The following IL1RAPL2 variants were observed in gnomAD, a reference collection of about 807,000 sequenced individuals.
IL1RAPL2 encodes interleukin 1 receptor accessory protein like 2.
A neutral mutation model predicts 44.1 loss-of-function variants in IL1RAPL2; 3 were observed. That is an observed-to-expected ratio of 0.07 (90% confidence interval 0.03 to 0.18). The LOEUF is 0.18. Among genes scored for constraint, IL1RAPL2 ranks in the 10% least tolerant of loss-of-function variants. The pLI is 1.00. For synonymous variants in IL1RAPL2, 181 were observed against 178.8 expected, an observed-to-expected ratio of 1.01 and a Z score of -0.10; for missense variants, 391 against 496.4, an observed-to-expected ratio of 0.79 and a Z score of 2.02.
rs779948860 is a variant in IL1RAPL2, at chrX:104,784,666, T to C, written c.82+125671T>C. On this transcript the variant is annotated intron_variant, in intron 2 of 10. Coordinates refer to ENST00000372582, the MANE Select transcript of IL1RAPL2 (RefSeq NM_017416.2). ...TTCTGATCTCCTCCACTGAGATCTGTCCTTTGAATACTATCTCTTTAAGTA... is the reference window on the plus strand; with the variant it reads ...TTCTGATCTCCTCCACTGAGATCTGCCCTTTGAATACTATCTCTTTAAGTA... Among the ~76,000 whole-genome samples, 6 of 110,172 alleles carry C rather than the reference T, an allele frequency of 5.4e-5. No homozygotes were observed. In the South Asian group the frequency reaches 2.4e-3, roughly 44 times the overall value.
intron 6 of IL1RAPL2, among the ~76,000 whole-genome samples, chrX:105,711,129 A>G (rs1256906174): frequency 1.8e-5 from 2 of 110,050 alleles, no homozygotes; most frequent in Non-Finnish European, 3.8e-5. Context: ...CCTTCTTAAC[A>G]TATAGAACAG....
intron 2 of IL1RAPL2, among the ~76,000 whole-genome samples, chrX:104,887,117 TG>T (rs1923271966): frequency 8.9e-6 from 1 of 112,293 alleles, no homozygotes; most frequent in Non-Finnish European, 1.9e-5. Context: ...AAAACAGTTG[TG>T]GGGGTTCCTT....
intron 5 of IL1RAPL2, among the ~76,000 whole-genome samples, chrX:105,351,253 C>G (rs936498029): frequency 9.0e-6 from 1 of 110,748 alleles, no homozygotes; most frequent in African/African-American, 3.3e-5. Context: ...TCCAGAAATA[C>G]GATTTGACCC....
At chrX:105,484,289 A>G in intron 5 of IL1RAPL2, 24 bp from the exon 6 acceptor site, 1 of 1,101,512 alleles carries the variant, frequency 9.1e-7, no homozygotes, top group Non-Finnish European at 1.3e-6. Context: ...TTTTTCCATT[A>G]CTTTCTTTCA....
chrX:105,216,522 C>T (rs2033859703), intron 3 of IL1RAPL2, among the ~76,000 whole-genome samples: 1 of 110,919 alleles, frequency 9.0e-6, no homozygotes, highest in Non-Finnish European at 1.9e-5. Flanking sequence ...GCCATACTGC[C>T]CAAAGTAATT....
intron 2 of IL1RAPL2, among the ~76,000 whole-genome samples, chrX:105,012,674 C>CACACACACAGAGAGAG (rs1258556672): frequency 3.7e-5 from 3 of 81,284 alleles, no homozygotes; most frequent in African/African-American, 1.8e-4. Flanking sequence ...CACACACACA[C>CACACACACAGAGAGAG]AGAGAGAGAG....
chrX:105,362,568 T>C (rs1243902232), intron 5 of IL1RAPL2, among the ~76,000 whole-genome samples: 1 of 110,935 alleles, frequency 9.0e-6, no homozygotes, highest in African/African-American at 3.3e-5. Flanking sequence ...TAAAGGACCC[T>C]ACAGTGTTAT....
At chrX:104,802,890 G>A (rs1047005454) in intron 2 of IL1RAPL2, among the ~76,000 whole-genome samples, 21 of 110,950 alleles carry the variant, frequency 1.9e-4, no homozygotes, top group African/African-American at 5.9e-4. Context: ...ATTCTGCCAC[G>A]TAAAACATGG....
intron 2 of IL1RAPL2, among the ~76,000 whole-genome samples, chrX:104,980,689 A>G (rs1173668903): frequency 8.9e-6 from 1 of 112,205 alleles, no homozygotes; most frequent in Non-Finnish European, 1.9e-5. Context: ...TGTACCAGTA[A>G]CATGCTGTTT....
chrX:105,084,759 A>G (rs1307246612), intron 2 of IL1RAPL2, among the ~76,000 whole-genome samples: 6 of 111,410 alleles, frequency 5.4e-5, no homozygotes, highest in Non-Finnish European at 1.1e-4. Flanking sequence ...TAAAAAGTAC[A>G]TGACATTTGG....
intron 6 of IL1RAPL2, among the ~76,000 whole-genome samples, chrX:105,601,139 T>C (rs762974470): frequency 9.0e-6 from 1 of 111,524 alleles, no homozygotes; most frequent in Admixed American, 9.5e-5. Context: ...CAGGAGTTAG[T>C]TATGTATTAT....
chrX:105,329,703 G>A (rs1445844521), intron 5 of IL1RAPL2, among the ~76,000 whole-genome samples: 2 of 110,818 alleles, frequency 1.8e-5, no homozygotes, highest in African/African-American at 3.3e-5. Flanking sequence ...CTGCATATAC[G>A]GCTTTTAAGC....
chrX:105,640,660 A>G (rs1228218756), intron 6 of IL1RAPL2, among the ~76,000 whole-genome samples: 1,107 of 62,259 alleles, frequency 0.018, 9 homozygotes, highest in Non-Finnish European at 0.024. Context: ...GTGTGTATAT[A>G]TATATATATA....
At chrX:105,024,554 C>A (rs1045425224) in intron 2 of IL1RAPL2, among the ~76,000 whole-genome samples, 2 of 111,317 alleles carry the variant, frequency 1.8e-5, no homozygotes, top group African/African-American at 6.5e-5. Flanking sequence ...CTGATGGTAA[C>A]AAAGGTTGTG....
At chrX:105,667,242 G>A (rs2037778271) in intron 6 of IL1RAPL2, among the ~76,000 whole-genome samples, 1 of 111,897 alleles carries the variant, frequency 8.9e-6, no homozygotes, top group South Asian at 3.7e-4. Context: ...CATTGAATGG[G>A]GTTGAGGTTA....
chrX:105,109,888 A>G (rs2032784148), intron 2 of IL1RAPL2, among the ~76,000 whole-genome samples: 1 of 112,399 alleles, frequency 8.9e-6, no homozygotes, highest in Admixed American at 9.4e-5. Flanking sequence ...GTAAAGCTTC[A>G]TCTCGTGAAT....
At chrX:105,698,966 T>C (rs1433050662) in intron 6 of IL1RAPL2, among the ~76,000 whole-genome samples, 2 of 111,713 alleles carry the variant, frequency 1.8e-5, no homozygotes, top group South Asian at 3.7e-4. Flanking sequence ...GAAGTTGTCA[T>C]ATGAAGAGAA....
intron 6 of IL1RAPL2, among the ~76,000 whole-genome samples, chrX:105,580,204 G>C (rs1038768361): frequency 9.0e-6 from 1 of 111,186 alleles, no homozygotes; most frequent in Non-Finnish European, 1.9e-5. Context: ...TGCATCCAGT[G>C]AAATCAGGCT....
chrX:105,032,866 T>C (rs766140379), intron 2 of IL1RAPL2, among the ~76,000 whole-genome samples: 9 of 111,287 alleles, frequency 8.1e-5, no homozygotes, highest in Middle Eastern at 4.6e-3. Context: ...AGTCTAAGTC[T>C]CTTTGTAGGT....
Sources: gnomAD v4.1 joint callset for allele counts (sites outside exome capture counted in the v4.1 genomes callset) on GRCh38, gnomAD v4.1.1 for gene constraint, MANE v1.5 for transcripts, NCBI Gene and HGNC (gene_info 2026-07-23, HGNC 2026-07-21) for gene names.